MMRN1: variants seen among roughly 807,000 people sequenced by gnomAD.
MMRN1 encodes the protein multimerin-1.
Under a neutral mutation model 100.7 loss-of-function variants are expected in MMRN1, and 94 were observed. The ratio of observed to expected loss-of-function variants is 0.93; its 90% confidence interval spans 0.79 to 1.11. The LOEUF is 1.11. MMRN1 is among the 50% of genes least tolerant of loss of function. The pLI is 0.00. For synonymous variants in MMRN1, 575 were observed against 505.0 expected (o/e 1.14, Z -1.86); for missense variants, 1,606 against 1,439.1 (o/e 1.12, Z -1.88).
chr4:89,896,047 G>A (rs1721196629), intron 1 of MMRN1, among the ~76,000 whole-genome samples: 1 of 152,138 alleles, frequency 6.6e-6, no homozygotes, highest in African/African-American at 2.4e-5. Context: ...ATCGAAACAA[G>A]CACACCAGGG....
At chr4:89,925,577 A>G (rs1257506681) in intron 4 of MMRN1, among the ~76,000 whole-genome samples, 2 of 151,604 alleles carry the variant, frequency 1.3e-5, no homozygotes, top group Non-Finnish European at 2.9e-5. Context: ...CACGCCTGTA[A>G]TCCCAACACT....
intron 6 of MMRN1, among the ~76,000 whole-genome samples, chr4:89,948,142 G>A (rs1036576831): frequency 5.3e-5 from 8 of 152,250 alleles, no homozygotes; most frequent in Admixed American, 2.0e-4. Flanking sequence ...GTGAGCCACC[G>A]TACCCAGCCA....
chr4:89,919,539 A>G (rs1722024536), intron 3 of MMRN1, among the ~76,000 whole-genome samples: 2 of 151,758 alleles, frequency 1.3e-5, no homozygotes, highest in South Asian at 2.1e-4. Context: ...GTTGATTTTC[A>G]TTCCAGAAAT....
rs750540430 is a variant in MMRN1, at chr4:89,953,154, T to C, written c.3423T>C (p.Tyr1141=). 2 of 1,613,750 alleles carry C rather than the reference T, an allele frequency of 1.2e-6. No individual in the cohort carries two copies. The highest frequency in any genetic ancestry group is 8.5e-7 in the Non-Finnish European group (1 of 1,179,878). Residue 1141 remains tyrosine, a synonymous_variant, in exon 8 of 8, where the codon TAT becomes TAC. Transcript: ENST00000264790. Reference sequence around the variant, plus strand: ...GAACTGGAAAATTTAGAATTCCGTATCTTGGAGTATATGTTTTCAAGTACA... The same window carrying C: ...GAACTGGAAAATTTAGAATTCCGTACCTTGGAGTATATGTTTTCAAGTACA... ...TPRTGKFRIP[Y]LGVYVFKYTI...
chr4:89,927,224 G>C (rs952794906), intron 4 of MMRN1, among the ~76,000 whole-genome samples: 3 of 151,696 alleles, frequency 2.0e-5, no homozygotes, highest in African/African-American at 7.3e-5. Flanking sequence ...AGGTTGCTTT[G>C]GATAGTATGG....
chr4:89,880,950 C>T (rs1000076779), intron 1 of MMRN1, among the ~76,000 whole-genome samples: 1 of 152,104 alleles, frequency 6.6e-6, no homozygotes, highest in East Asian at 1.9e-4. Flanking sequence ...GGGAAGAAGT[C>T]CATAAAAATG....
intron 6 of MMRN1, among the ~76,000 whole-genome samples, chr4:89,943,090 G>GGA (rs1374123130): frequency 6.6e-6 from 1 of 152,074 alleles, no homozygotes; most frequent in African/African-American, 2.4e-5. Flanking sequence ...AAGCTTAACT[G>GGA]GAGAGAGAGC....
At chr4:89,906,468 G>T (rs1332573181) in intron 1 of MMRN1, among the ~76,000 whole-genome samples, 3 of 151,348 alleles carry the variant, frequency 2.0e-5, no homozygotes, top group Non-Finnish European at 4.4e-5. Context: ...TCCCAAATGT[G>T]GTCTGCTGGA....
At chr4:89,911,900 G>T (rs201829592) in intron 2 of MMRN1, 44 bp from the exon 3 acceptor site, 2 of 1,311,534 alleles carry the variant, frequency 1.5e-6, no homozygotes, top group South Asian at 2.5e-5. Context: ...ATAATTTAAT[G>T]TGAAACAAAT....
chr4:89,879,804 A>G (rs963899316), intron 1 of MMRN1, among the ~76,000 whole-genome samples: 1 of 152,156 alleles, frequency 6.6e-6, no homozygotes, highest in African/African-American at 2.4e-5. Context: ...TGTGTAGAGA[A>G]AATGTTCTGG....
At chr4:89,944,237 G>A (rs1286202142) in intron 6 of MMRN1, among the ~76,000 whole-genome samples, 2 of 151,594 alleles carry the variant, frequency 1.3e-5, no homozygotes, top group Non-Finnish European at 2.9e-5. Flanking sequence ...TAATTTTTGT[G>A]ACCATCTCTA....
At chr4:89,896,245 GA>G (rs1721203611) in intron 1 of MMRN1, among the ~76,000 whole-genome samples, 1 of 152,150 alleles carries the variant, frequency 6.6e-6, no homozygotes, top group Non-Finnish European at 1.5e-5. Flanking sequence ...GCTCCTCACA[GA>G]ATAGGTGCTC....
At chr4:89,948,418 C>G (rs1434889196) in intron 6 of MMRN1, among the ~76,000 whole-genome samples, 1 of 151,956 alleles carries the variant, frequency 6.6e-6, no homozygotes, top group Non-Finnish European at 1.5e-5. Context: ...GATGGTAACT[C>G]ATGTCTAATA....
intron 6 of MMRN1, among the ~76,000 whole-genome samples, chr4:89,948,144 A>T (rs532258495): frequency 6.6e-6 from 1 of 152,078 alleles, no homozygotes; most frequent in African/African-American, 2.4e-5. Flanking sequence ...GAGCCACCGT[A>T]CCCAGCCAAA....
At chr4:89,889,413 G>T (rs951706548) in intron 1 of MMRN1, among the ~76,000 whole-genome samples, 1 of 152,034 alleles carries the variant, frequency 6.6e-6, no homozygotes, top group Non-Finnish European at 1.5e-5. Flanking sequence ...TGTGGATAAG[G>T]TCCCCAGCCC....
chr4:89,945,234 C>T (rs1722951653), intron 6 of MMRN1, among the ~76,000 whole-genome samples: 1 of 152,038 alleles, frequency 6.6e-6, no homozygotes, highest in African/African-American at 2.4e-5. Context: ...ATTTCTTTAT[C>T]TATTTACCAG....
Position 89,935,819 on chromosome 4 carries a change from A to T in MMRN1, c.2139A>T (p.Leu713Phe). 6.2e-7 allele frequency: 1 copy of T among 1,613,290 alleles called. No homozygotes were observed. Among genetic ancestry groups the T allele is most frequent in the Non-Finnish European group, 8.5e-7 (1 of 1,179,600 alleles). Residue 713 changes from leucine to phenylalanine, a missense_variant, in exon 6 of 8, where the codon TTA becomes TTT. Physicochemically the swap from Leu to Phe is conservative, Grantham distance 22 (BLOSUM62 0). Coordinates refer to ENST00000264790, the MANE Select transcript of MMRN1 (RefSeq NM_007351.3). ...RNEVQGRDDA[L>F]ERRINEYALE... Reference sequence around the variant, plus strand: ...AAGTACAGGGTCGTGATGATGCCTTAGAAAGACGTATCAATGAATATGCCT... The same window carrying T: ...AAGTACAGGGTCGTGATGATGCCTTTGAAAGACGTATCAATGAATATGCCT...
chr4:89,886,558 G>T (rs972747270), intron 1 of MMRN1, among the ~76,000 whole-genome samples: 1 of 151,980 alleles, frequency 6.6e-6, no homozygotes, highest in East Asian at 1.9e-4. Context: ...GGTCCAATTG[G>T]TTAATAATTT....
In MMRN1 at chr4:89,912,058, C is replaced by G. The variant is rs572962679; in HGVS notation, c.850+8C>G. Reference sequence around the variant, plus strand: ...CGAAATGTCAACTAAGAGGTACACTCTAATATTAATAATCACAATTCTGAA... The same window carrying G: ...CGAAATGTCAACTAAGAGGTACACTGTAATATTAATAATCACAATTCTGAA... On this transcript the variant is annotated splice_region_variant and intron_variant, in intron 3 of 7. Transcript: ENST00000264790. The G allele has an allele frequency of 1.3e-6, 2 of 1,518,070 alleles. No homozygotes were observed. Among genetic ancestry groups the G allele is most frequent in the African/African-American group, 1.4e-5 (1 of 70,924 alleles). The allele number at this position is 1,518,070 out of a possible 1,614,324, so 94.0% of individuals were successfully genotyped here. A position where few individuals can be genotyped will look rare whatever the true frequency, so the allele number is the denominator to read the frequency against.
Sources: allele counts gnomAD v4.1 joint callset (sites outside exome capture counted in the v4.1 genomes callset), GRCh38; gene constraint gnomAD v4.1.1; transcripts MANE v1.5; gene names NCBI Gene and HGNC (gene_info 2026-07-23, HGNC 2026-07-21).